The following CNTNAP1 variants were observed in gnomAD, a reference collection of about 807,000 sequenced individuals.
CNTNAP1 encodes contactin-associated protein 1.
Under a neutral mutation model 161.5 loss-of-function variants are expected in CNTNAP1, and 80 were observed. The observed-to-expected ratio is 0.50, with a 90% CI of 0.41 to 0.60. CNTNAP1 has a LOEUF of 0.60. CNTNAP1 is among the 20% of genes least tolerant of loss of function. The probability of loss-of-function intolerance (pLI) is 0.00; values close to 1 mark genes in which losing one functional copy is unlikely to be tolerated. For missense variants in CNTNAP1, 1,464 were observed against 1,854.8 expected, an observed-to-expected ratio of 0.79 and a Z score of 3.87; for synonymous variants, 695 against 733.1, an observed-to-expected ratio of 0.95 and a Z score of 0.84.
At position 42,698,988 on chromosome 17, in the gene CNTNAP1, T is replaced by C. The variant is rs1239470668; in HGVS notation, c.*78T>C. ...CCTCTCCCCCATCCTATCAGGGACA[T>C]TTGGCTCCTCTTAGCTGGCTCTGCT... is the stretch of plus-strand genomic sequence containing the variant. On this transcript the variant is annotated 3_prime_UTR_variant, in exon 24 of 24. Transcript: ENST00000264638. 7.5e-7 allele frequency: 1 copy of C among 1,338,970 alleles called. No individual in the cohort carries two copies. The highest frequency in any genetic ancestry group is 1.0e-6 in the Non-Finnish European group (1 of 1,000,890). The allele number at this position is 1,338,970 out of a possible 1,614,324, so 82.9% of individuals were successfully genotyped here. A position where few individuals can be genotyped will look rare whatever the true frequency, so the allele number is the denominator to read the frequency against.
At chr17:42,693,596 G>A (rs746374374) in intron 18 of CNTNAP1, 60 bp downstream of exon 18, 5 of 1,583,034 alleles carry the variant, frequency 3.2e-6, no homozygotes, top group Non-Finnish European at 4.3e-6. Context: ...ATGTAGGGAG[G>A]GCAGGGAAGG....
chr17:42,686,223 T>G (rs1359794533), intron 6 of CNTNAP1, 82 bp downstream of exon 6: 3 of 1,390,394 alleles, frequency 2.2e-6, no homozygotes, highest in Non-Finnish European at 3.0e-6. Context: ...CTTTCTCTTT[T>G]CCTCTGTCTC....
intron 1 of CNTNAP1, 140 bp downstream of exon 1, chr17:42,683,036 C>A: frequency 1.3e-6 from 1 of 793,788 alleles, no homozygotes; most frequent in Non-Finnish European, 1.9e-6. Flanking sequence ...CTTTTCCTGC[C>A]TCTCCCCCGC....
intron 19 of CNTNAP1, 42 bp downstream of exon 19, chr17:42,695,916 C>T (rs2053146466): frequency 6.3e-7 from 1 of 1,597,724 alleles, no homozygotes; most frequent in Non-Finnish European, 8.6e-7. Flanking sequence ...CAGCTTCACC[C>T]CGGTGCCCCT....
rs747215649 is a variant in CNTNAP1, at chr17:42,689,600, G to A, written c.1708G>A (p.Gly570Ser). The change falls in exon 11 of 24, where the codon GGC (glycine) becomes AGC (serine). Residue 570 changes from glycine to serine, a missense_variant. Transcript: ENST00000264638. ...CTTCATTTGCTACTGCGAACTGACG[G>A]GCTACAAGGGAGAGACCTGCCACAC... ...DDFICYCELT[G>S]YKGETCHTPL... The A allele has an allele frequency of 6.8e-6, 11 of 1,613,812 alleles. No homozygotes were observed. Among genetic ancestry groups the A allele is most frequent in the Non-Finnish European group, 9.3e-6 (11 of 1,179,906 alleles).
chr17:42,686,390 T>C, intron 6 of CNTNAP1, among the ~76,000 whole-genome samples: 1 of 151,254 alleles, frequency 6.6e-6, no homozygotes, highest in Admixed American at 6.6e-5. Context: ...AAAAATTTTT[T>C]TTTTCAAAGA....
rs1023077005 is a variant in CNTNAP1 at position 42,692,395 on chromosome 17, A to T, written c.2531-104A>T. ...CAGACAAATTGGAGGGATATTCAAG[A>T]AGCTCCAAAGAGGTGAGGGAAAGAG... On this transcript the variant is annotated intron_variant, in intron 16 of 23. Transcript: ENST00000264638. 5.3e-6 allele frequency: 5 copies of T among 946,296 alleles called. No individual in the cohort carries two copies. The African/African-American group carries it at 8.2e-5, about 16-fold the overall frequency. The allele number at this position is 946,296 out of a possible 1,614,324, so 58.6% of individuals were successfully genotyped here.
chr17:42,683,184 GGGGGATAA>G, intron 1 of CNTNAP1: 2 of 577,312 alleles, frequency 3.5e-6, no homozygotes, highest in Non-Finnish European at 5.9e-6. Context: ...GGCTAGGGCT[GGGGGATAA>G]GTGTATACTG....
In CNTNAP1 at chr17:42,699,041, C is replaced by A. The variant is rs954489042; in HGVS notation, c.*131C>A. On this transcript the variant is annotated 3_prime_UTR_variant, in exon 24 of 24. Transcript: ENST00000264638. ...TCCAGAGGATATTCCCCCATCCCCC[C>A]CCCATCAAGTTTGGTGGGCAGAGCT... 2 of 734,810 alleles carry A rather than the reference C, an allele frequency of 2.7e-6. No individual in the cohort carries two copies. Among genetic ancestry groups the A allele is most frequent in the South Asian group, 2.5e-5 (1 of 39,548 alleles). 45.5% of individuals were successfully genotyped at this position (734,810 alleles called of 1,614,324 possible). A position where few individuals can be genotyped will look rare whatever the true frequency, so the allele number is the denominator to read the frequency against.
intron 6 of CNTNAP1, 136 bp from the exon 7 acceptor site, chr17:42,686,767 C>A: frequency 3.7e-6 from 4 of 1,068,276 alleles, no homozygotes; most frequent in East Asian, 2.5e-5. Flanking sequence ...GCTTTAGTAC[C>A]GACACTGGGG....
intron 1 of CNTNAP1, 192 bp from the exon 2 acceptor site, chr17:42,683,629 G>A (rs2052966583): frequency 2.8e-6 from 4 of 1,429,154 alleles, no homozygotes; most frequent in Non-Finnish European, 3.6e-6. Flanking sequence ...AGAAGGAGAA[G>A]GTAGCCTCCT....
chr17:42,683,852 G>A lies in CNTNAP1; in HGVS notation c.99G>A (p.Leu33=). 1.2e-6 allele frequency: 2 copies of A among 1,612,620 alleles called. No homozygotes were observed. The highest frequency in any genetic ancestry group is 8.5e-7 in the Non-Finnish European group (1 of 1,179,976). The change falls in exon 2 of 24, where the codon CTG becomes CTA. Residue 33 remains leucine (L), a synonymous_variant. Coordinates refer to ENST00000264638, the MANE Select transcript of CNTNAP1 (RefSeq NM_003632.3). ...YGCDEELVGP[L]YARSLGASSY... is the part of the protein sequence containing the mutation. ...GCGACGAGGAGCTGGTGGGTCCCCT[G>A]TATGCACGCTCCCTGGGCGCCTCCT...
At chr17:42,694,718 T>C (rs1371176101) in intron 18 of CNTNAP1, among the ~76,000 whole-genome samples, 1 of 152,140 alleles carries the variant, frequency 6.6e-6, no homozygotes, top group Non-Finnish European at 1.5e-5. Context: ...TATTTGATGA[T>C]TGCTGCATTC....
chr17:42,693,558 G>A, intron 18 of CNTNAP1, 22 bp downstream of exon 18: 1 of 1,608,160 alleles, frequency 6.2e-7, no homozygotes, highest in African/African-American at 1.3e-5. Context: ...TGGTTATGGG[G>A]CAACAGGGAG....
intron 6 of CNTNAP1, among the ~76,000 whole-genome samples, chr17:42,686,473 T>TG (rs1567970473): frequency 6.8e-4 from 75 of 109,716 alleles, no homozygotes; most frequent in African/African-American, 3.5e-3. Context: ...AGGCCTGTTT[T>TG]TTTTTTTTTT....
chr17:42,699,255 A>C lies in CNTNAP1; in HGVS notation c.*345A>C. 4.6e-6 allele frequency: 1 copy of C among 215,496 alleles called. No homozygotes were observed. The highest frequency in any genetic ancestry group is 9.1e-6 in the Non-Finnish European group (1 of 109,344). The allele number at this position is 215,496 out of a possible 1,614,324, so 13.3% of individuals were successfully genotyped here. A position where few individuals can be genotyped will look rare whatever the true frequency, so the allele number is the denominator to read the frequency against. ...TAACAACAGAGTGTAGGGGAGATTA[A>C]CTGCCTCCCTTCCAATAGACACTAT... On this transcript the variant is annotated 3_prime_UTR_variant, in exon 24 of 24. Coordinates refer to ENST00000264638, the MANE Select transcript of CNTNAP1 (RefSeq NM_003632.3).
At position 42,689,644 on chromosome 17, in the gene CNTNAP1, A is replaced by G. The variant is rs763234325; in HGVS notation, c.1735+17A>G. ...GCCACACACGTAAGCCAGATGTGGT[A>G]TGGGGGGAGTCAGGGACAAGGGAGG... On this transcript the variant is annotated intron_variant, in intron 11 of 23. Coordinates refer to ENST00000264638, the MANE Select transcript of CNTNAP1 (RefSeq NM_003632.3). The G allele has an allele frequency of 3.1e-6, 5 of 1,602,948 alleles. No homozygotes were observed. The highest frequency in any genetic ancestry group is 4.3e-6 in the Non-Finnish European group (5 of 1,170,174).
Position 42,698,022 on chromosome 17 carries a change from T to G in CNTNAP1, c.3862+72T>G, listed in dbSNP as rs1567976942. 5.1e-6 allele frequency: 8 copies of G among 1,554,974 alleles called. No homozygotes were observed. In the Admixed American group the frequency reaches 8.4e-5, roughly 16 times the overall value. On this transcript the variant is annotated intron_variant, in intron 23 of 23. Transcript: ENST00000264638. The stretch of plus-strand genomic sequence containing the variant: ...ACTGTCAGCATCCTTTCCCTGCCCC[T>G]GATCCCCAAGGCTGCAGGATGGCAA...
In CNTNAP1 at chr17:42,699,039, C is replaced by G. The variant is rs1047643519; in HGVS notation, c.*129C>G. 13 of 738,222 alleles carry G rather than the reference C, an allele frequency of 1.8e-5. No homozygotes were observed. In the Admixed American group the frequency reaches 2.0e-4, roughly 11 times the overall value. 45.7% of individuals were successfully genotyped at this position (738,222 alleles called of 1,614,324 possible). On this transcript the variant is annotated 3_prime_UTR_variant, in exon 24 of 24. Transcript: ENST00000264638. ...CATCCAGAGGATATTCCCCCATCCC[C>G]CCCCCATCAAGTTTGGTGGGCAGAG...
Sources: allele counts gnomAD v4.1 joint callset (sites outside exome capture counted in the v4.1 genomes callset), GRCh38; gene constraint gnomAD v4.1.1; transcripts MANE v1.5; gene names NCBI Gene and HGNC (gene_info 2026-07-23, HGNC 2026-07-21).